ROBO2: variants seen among roughly 807,000 people sequenced by gnomAD.
ROBO2 encodes the protein roundabout guidance receptor 2, also known as roundabout homolog 2.
In ROBO2, 53 loss-of-function variants were observed where a neutral mutation model predicts 160.8. The observed-to-expected ratio is 0.33, with a 90% confidence interval of 0.26 to 0.41. The LOEUF is 0.41. Ranked by LOEUF, ROBO2 falls within the 10% of genes least tolerant of loss-of-function variation. The probability of loss-of-function intolerance (pLI) is 1.00; values close to 1 mark genes in which losing one functional copy is unlikely to be tolerated. For missense variants in ROBO2, 1,577 were observed against 1,722.4 expected (o/e 0.92, Z 1.49); for synonymous variants, 664 against 611.7 (o/e 1.09, Z -1.26).
At chr3:77,379,013 T>A (rs920593568) in intron 2 of ROBO2, among the ~76,000 whole-genome samples, 2 of 152,056 alleles carry the variant, frequency 1.3e-5, no homozygotes, top group Non-Finnish European at 2.9e-5. Context: ...AATGGCGTGA[T>A]CTCGGCTCGC....
intron 2 of ROBO2, among the ~76,000 whole-genome samples, chr3:77,180,416 C>CTCTCTCTCTCTCTCTCTATATATATATA (rs1433740534): frequency 3.3e-5 from 3 of 90,724 alleles, no homozygotes; most frequent in Non-Finnish European, 4.6e-5. Flanking sequence ...CTCTCTCTCT[C>CTCTCTCTCTCTCTCTCTATATATATATA]TATATATATA....
chr3:76,608,881 T>C (rs780699515), intron 2 of ROBO2, among the ~76,000 whole-genome samples: 4 of 152,138 alleles, frequency 2.6e-5, no homozygotes, highest in Admixed American at 1.3e-4. Flanking sequence ...AACTGAGCAG[T>C]GTACACTGTA....
chr3:76,256,299 GTCTCTCTCTCTCTC>G (rs372215718), intron 2 of ROBO2, among the ~76,000 whole-genome samples: 8,673 of 92,406 alleles, frequency 0.094, 860 homozygotes, highest in East Asian at 0.35. Context: ...GACAGAGTGA[GTCTCTCTCTCTCTC>G]TCTCTCTCTC....
intron 2 of ROBO2, among the ~76,000 whole-genome samples, chr3:77,285,078 T>C (rs2060491366): frequency 6.6e-6 from 1 of 152,174 alleles, no homozygotes; most frequent in Admixed American, 6.5e-5. Context: ...TATAAAGTTC[T>C]ACACCTAGAA....
At chr3:77,083,921 C>G (rs1011973426) in intron 1 of ROBO2, among the ~76,000 whole-genome samples, 3 of 151,942 alleles carry the variant, frequency 2.0e-5, no homozygotes, top group Admixed American at 6.6e-5. Flanking sequence ...GATACTAAAC[C>G]CACATTTGGC....
chr3:76,123,850 G>A (rs1031495609), intron 2 of ROBO2, among the ~76,000 whole-genome samples: 3 of 152,084 alleles, frequency 2.0e-5, no homozygotes, highest in Non-Finnish European at 4.4e-5. Flanking sequence ...GGGTGGAGGT[G>A]ATGTATGTTT....
At chr3:76,240,758 A>C (rs567720267) in intron 2 of ROBO2, among the ~76,000 whole-genome samples, 1 of 152,082 alleles carries the variant, frequency 6.6e-6, no homozygotes, top group Admixed American at 6.5e-5. Flanking sequence ...TCATTATCCA[A>C]TTGGTAGAAT....
At chr3:77,292,323 A>T (rs1204282433) in intron 2 of ROBO2, among the ~76,000 whole-genome samples, 1 of 151,376 alleles carries the variant, frequency 6.6e-6, no homozygotes, top group Non-Finnish European at 1.5e-5. Flanking sequence ...TAGGAAGTTG[A>T]GGCTGGAACA....
chr3:76,180,601 A>G (rs1299661259), intron 2 of ROBO2, among the ~76,000 whole-genome samples: 1 of 152,046 alleles, frequency 6.6e-6, no homozygotes, highest in East Asian at 1.9e-4. Flanking sequence ...TCCTCCCTCC[A>G]GTCTTTTGAT....
chr3:77,135,925 C>G (rs1029813295), intron 2 of ROBO2, among the ~76,000 whole-genome samples: 3 of 152,162 alleles, frequency 2.0e-5, no homozygotes, highest in African/African-American at 7.2e-5. Context: ...TATTCAATTG[C>G]TTAAAGTTTT....
At chr3:77,384,806 G>A (rs2073928674) in intron 2 of ROBO2, among the ~76,000 whole-genome samples, 2 of 152,100 alleles carry the variant, frequency 1.3e-5, no homozygotes. Flanking sequence ...TTAAAATATT[G>A]TGATATAGAA....
At chr3:76,374,593 C>A (rs2076254058) in intron 2 of ROBO2, among the ~76,000 whole-genome samples, 1 of 151,936 alleles carries the variant, frequency 6.6e-6, no homozygotes, top group African/African-American at 2.4e-5. Flanking sequence ...GAGAAAAAAA[C>A]TCCCCTTACA....
At chr3:77,078,068 C>T (rs542599854) in intron 1 of ROBO2, among the ~76,000 whole-genome samples, 1 of 152,172 alleles carries the variant, frequency 6.6e-6, no homozygotes, top group African/African-American at 2.4e-5. Context: ...CACACAAGAG[C>T]CAATTAAAAG....
At chr3:76,653,485 G>A (rs1055115769) in intron 2 of ROBO2, among the ~76,000 whole-genome samples, 11 of 151,554 alleles carry the variant, frequency 7.3e-5, no homozygotes, top group South Asian at 4.2e-4. Flanking sequence ...CAAATTATTC[G>A]ACAAAGCCAA....
intron 2 of ROBO2, among the ~76,000 whole-genome samples, chr3:77,176,309 A>C (rs2080148618): frequency 6.6e-6 from 1 of 152,052 alleles, no homozygotes; most frequent in South Asian, 2.1e-4. Flanking sequence ...ATGTACAGTA[A>C]CTACTTACAT....
At chr3:77,569,895 A>C (rs1478793335) in intron 13 of ROBO2, among the ~76,000 whole-genome samples, 1 of 151,998 alleles carries the variant, frequency 6.6e-6, no homozygotes, top group African/African-American at 2.4e-5. Context: ...ATTTAGGATT[A>C]CACTTTCTTA....
At chr3:76,648,020 A>T (rs1206605895) in intron 2 of ROBO2, among the ~76,000 whole-genome samples, 1 of 152,144 alleles carries the variant, frequency 6.6e-6, no homozygotes, top group Non-Finnish European at 1.5e-5. Context: ...TTAAAACCCT[A>T]TCTAATTATT....
At chr3:76,801,177 C>T (rs2064170225) in intron 2 of ROBO2, among the ~76,000 whole-genome samples, 2 of 152,128 alleles carry the variant, frequency 1.3e-5, no homozygotes, top group South Asian at 4.1e-4. Flanking sequence ...CATGTTCTCA[C>T]TTATAACTGT....
intron 2 of ROBO2, among the ~76,000 whole-genome samples, chr3:77,173,717 T>C (rs1380856271): frequency 6.6e-6 from 1 of 152,170 alleles, no homozygotes; most frequent in Non-Finnish European, 1.5e-5. Flanking sequence ...TCAGTTATTG[T>C]TACATATCTT....
Sources: gnomAD v4.1 joint callset for allele counts (sites outside exome capture counted in the v4.1 genomes callset) on GRCh38, gnomAD v4.1.1 for gene constraint, MANE v1.5 for transcripts, NCBI Gene and HGNC (gene_info 2026-07-23, HGNC 2026-07-21) for gene names.